The following CNTNAP2 variants were observed in gnomAD, a reference collection of about 807,000 sequenced individuals.
CNTNAP2 encodes contactin associated protein 2.
In CNTNAP2, 98 loss-of-function variants were observed where a neutral mutation model predicts 155.2. The observed-to-expected ratio is 0.63, with a 90% confidence interval of 0.54 to 0.75. The LOEUF is 0.75. CNTNAP2 is among the 30% of genes least tolerant of loss of function. The pLI is 0.00. For missense variants in CNTNAP2, 1,727 were observed against 1,688.1 expected (o/e 1.02, Z -0.40); for synonymous variants, 651 against 631.2 (o/e 1.03, Z -0.47).
chr7:146,394,418 C>A (rs1407637889), intron 1 of CNTNAP2, among the ~76,000 whole-genome samples: 3 of 152,120 alleles, frequency 2.0e-5, no homozygotes, highest in Non-Finnish European at 4.4e-5. Context: ...TCCTTTATTA[C>A]TCAAGCCAGA....
intron 5 of CNTNAP2, among the ~76,000 whole-genome samples, chr7:147,116,929 GC>G (rs1165349599): frequency 6.6e-6 from 1 of 152,204 alleles, no homozygotes; most frequent in East Asian, 1.9e-4. Context: ...CCCACAGGCT[GC>G]AAAGGCCCAG....
intron 8 of CNTNAP2, among the ~76,000 whole-genome samples, chr7:147,147,399 T>G (rs1298356765): frequency 6.6e-6 from 1 of 152,138 alleles, no homozygotes; most frequent in Non-Finnish European, 1.5e-5. Context: ...AGTTTCTTTT[T>G]AAAATCAAAT....
chr7:147,548,638 T>C (rs1799789263), intron 11 of CNTNAP2, among the ~76,000 whole-genome samples: 1 of 152,216 alleles, frequency 6.6e-6, no homozygotes, highest in African/African-American at 2.4e-5. Context: ...ACTTTGGCTT[T>C]TGTTGCAATT....
chr7:146,408,862 GAATC>G (rs1795829478), intron 1 of CNTNAP2, among the ~76,000 whole-genome samples: 1 of 150,942 alleles, frequency 6.6e-6, no homozygotes, highest in African/African-American at 2.4e-5. Context: ...AAAAAAAAAA[GAATC>G]AAGAAAAGAG....
chr7:146,740,601 G>T (rs1361566963), intron 1 of CNTNAP2, among the ~76,000 whole-genome samples: 1 of 152,138 alleles, frequency 6.6e-6, no homozygotes, highest in Non-Finnish European at 1.5e-5. Flanking sequence ...GGAAAGCCTT[G>T]TGGCAGGCAT....
At chr7:147,200,670 A>G (rs1417945675) in intron 8 of CNTNAP2, among the ~76,000 whole-genome samples, 1 of 152,204 alleles carries the variant, frequency 6.6e-6, no homozygotes, top group Admixed American at 6.5e-5. Context: ...ACAAAAGATG[A>G]TTAGTGTCTC....
At chr7:146,873,351 C>T (rs1389021413) in intron 3 of CNTNAP2, among the ~76,000 whole-genome samples, 1 of 152,164 alleles carries the variant, frequency 6.6e-6, no homozygotes, top group Non-Finnish European at 1.5e-5. Flanking sequence ...TTTGTACTGA[C>T]AGTTTGTATT....
intron 11 of CNTNAP2, among the ~76,000 whole-genome samples, chr7:147,535,759 G>A (rs192687607): frequency 3.5e-4 from 54 of 152,282 alleles, no homozygotes; most frequent in Middle Eastern, 3.4e-3. Context: ...CGAGGACCGC[G>A]AAGGTCACAA....
At chr7:146,720,125 C>T (rs1036873707) in intron 1 of CNTNAP2, among the ~76,000 whole-genome samples, 2 of 142,184 alleles carry the variant, frequency 1.4e-5, no homozygotes, top group African/African-American at 6.2e-5. Context: ...TACATTCATA[C>T]AAAACTTTTT....
chr7:146,432,930 C>A (rs1796192419), intron 1 of CNTNAP2, among the ~76,000 whole-genome samples: 1 of 152,106 alleles, frequency 6.6e-6, no homozygotes, highest in Non-Finnish European at 1.5e-5. Context: ...ACGGCCTAGG[C>A]CTTTCTCTAC....
At chr7:147,595,881 C>T (rs182664653) in intron 12 of CNTNAP2, among the ~76,000 whole-genome samples, 12 of 152,182 alleles carry the variant, frequency 7.9e-5, no homozygotes, top group East Asian at 1.9e-4. Context: ...GAAGACTCTC[C>T]GTGACCTCTA....
At chr7:147,943,684 G>T (rs990225373) in intron 14 of CNTNAP2, among the ~76,000 whole-genome samples, 1 of 136,038 alleles carries the variant, frequency 7.4e-6, no homozygotes, top group Admixed American at 8.5e-5. Flanking sequence ...CAGGAGAATC[G>T]CCCAGGAGAC....
intron 11 of CNTNAP2, among the ~76,000 whole-genome samples, chr7:147,531,806 C>CT (rs200069487): frequency 0.018 from 2,382 of 129,660 alleles, 86 homozygotes; most frequent in African/African-American, 0.062. Flanking sequence ...TTTTTCTTTT[C>CT]TTTTTTTTTT....
At chr7:148,052,963 C>T (rs1802922078) in intron 15 of CNTNAP2, among the ~76,000 whole-genome samples, 1 of 152,140 alleles carries the variant, frequency 6.6e-6, no homozygotes, top group Non-Finnish European at 1.5e-5. Flanking sequence ...AGGAGAATCG[C>T]TTGAAACCAG....
chr7:148,402,224 A>C (rs1799601425), intron 22 of CNTNAP2, among the ~76,000 whole-genome samples: 1 of 152,234 alleles, frequency 6.6e-6, no homozygotes, highest in South Asian at 2.1e-4. Context: ...TTCCTTTAAG[A>C]AGCTGGAAAT....
At chr7:146,649,842 G>C (rs1255580173) in intron 1 of CNTNAP2, among the ~76,000 whole-genome samples, 2 of 151,836 alleles carry the variant, frequency 1.3e-5, no homozygotes, top group South Asian at 4.2e-4. Context: ...ATCTTAAAGA[G>C]AAATATACAG....
In CNTNAP2 at chr7:147,121,449, G is replaced by C. The variant is rs116271680; in HGVS notation, c.939+286G>C. ...AATAAATTCAGAATAAATTTAATTT[G>C]TAATCCTTTCATTGGTAGTTAATCA... is the stretch of plus-strand genomic sequence containing the variant. On this transcript the variant is annotated intron_variant, in intron 6 of 23. Transcript: ENST00000361727. The C allele has an allele frequency of 3.6e-3, 1,182 of 326,864 alleles. 13 individuals are homozygous for C. The highest frequency in any genetic ancestry group is 0.024 in the African/African-American group (1,100 of 46,550). The allele number at this position is 326,864 out of a possible 1,614,324, so 20.2% of individuals were successfully genotyped here. A position where few individuals can be genotyped will look rare whatever the true frequency, so the allele number is the denominator to read the frequency against.
At chr7:146,145,339 TCTTA>T (rs1283832776) in intron 1 of CNTNAP2, among the ~76,000 whole-genome samples, 1 of 152,188 alleles carries the variant, frequency 6.6e-6, no homozygotes, top group East Asian at 1.9e-4. Context: ...ACCTGGCCTC[TCTTA>T]CTTCCAAATT....
intron 13 of CNTNAP2, among the ~76,000 whole-genome samples, chr7:147,661,424 T>G (rs28690167): frequency 0.045 from 6,855 of 152,254 alleles, 502 homozygotes; most frequent in African/African-American, 0.16. Flanking sequence ...TTCACTGAAC[T>G]CATGGGTAGT....
Sources: gnomAD v4.1 joint callset for allele counts (sites outside exome capture counted in the v4.1 genomes callset) on GRCh38, gnomAD v4.1.1 for gene constraint, MANE v1.5 for transcripts, NCBI Gene and HGNC (gene_info 2026-07-23, HGNC 2026-07-21) for gene names.